CDH23: variants seen among roughly 807,000 people sequenced by gnomAD.
The protein encoded by CDH23 is cadherin-23.
Under a neutral mutation model 317.1 loss-of-function variants are expected in CDH23, and 189 were observed. That is an observed-to-expected ratio of 0.60 (90% CI 0.53 to 0.67). The LOEUF is 0.67. Among genes scored for constraint, CDH23 ranks in the 30% least tolerant of loss-of-function variants. The pLI, the probability that CDH23 is intolerant of heterozygous loss-of-function variation, is 0.00. For missense variants in CDH23, 4,401 were observed against 4,592.4 expected, an observed-to-expected ratio of 0.96 and a Z score of 1.20; for synonymous variants, 1,839 against 1,876.8, an observed-to-expected ratio of 0.98 and a Z score of 0.52.
chr10:71,639,463 C>G (rs1197815535), intron 11 of CDH23, among the ~76,000 whole-genome samples: 1 of 152,192 alleles, frequency 6.6e-6, no homozygotes, highest in Non-Finnish European at 1.5e-5. Context: ...CCTCCTTCTG[C>G]CACGTGTGGC....
chr10:71,402,324 C>T (rs1180487806), intron 1 of CDH23, among the ~76,000 whole-genome samples: 1 of 152,160 alleles, frequency 6.6e-6, no homozygotes, highest in African/African-American at 2.4e-5. Flanking sequence ...AAACCCCAGG[C>T]AAGTGTTGGT....
intron 6 of CDH23, chr10:71,512,453 GCT>G (rs1272775576): frequency 6.6e-6 from 1 of 152,282 alleles, no homozygotes; most frequent in Non-Finnish European, 1.5e-5. Flanking sequence ...CTTGGCTCCT[GCT>G]CTCTCTCATT....
rs1440382946 is a variant in CDH23 at position 71,397,469 on chromosome 10, G to A, written c.-6+151G>A. On this transcript the variant is annotated intron_variant, in intron 1 of 69. Coordinates refer to ENST00000224721, the MANE Select transcript of CDH23 (RefSeq NM_022124.6). This position sits in a 1 kb window ranked among gnomAD's most constrained non-coding sequence, Gnocchi z 4.8. ...CCATCGCCCGTGGCGGGCGCTCGCG[G>A]CATCCTTCGGTCCCAGGCCCCTGGC... Among the ~76,000 whole-genome samples, 1 of 151,568 alleles carries A rather than the reference G, an allele frequency of 6.6e-6. No homozygotes were observed. The highest frequency in any genetic ancestry group is 2.4e-5 in the African/African-American group (1 of 41,316).
intron 3 of CDH23, among the ~76,000 whole-genome samples, chr10:71,502,149 A>G (rs575889899): frequency 6.6e-6 from 1 of 152,338 alleles, no homozygotes; most frequent in East Asian, 1.9e-4. Context: ...GCTAGCCTGC[A>G]GACACCAAGG....
rs373672706 is a variant in CDH23 at position 71,427,195 on chromosome 10, GAGAAAGAAAGAA to G, written c.-5-12593_-5-12582del. On this transcript the variant is annotated intron_variant, in intron 1 of 69. Transcript: ENST00000224721. ...AGAAAGAAGGAAGGAAGGAAGGAAA[GAGAAAGAAAGAA>G]AGAAAGAAAGAAAGAAAGAAAGAAA... is the stretch of plus-strand genomic sequence containing the variant. Among the ~76,000 whole-genome samples, 16 of 98,932 alleles carry G rather than the reference GAGAAAGAAAGAA, an allele frequency of 1.6e-4. 2 individuals carry two copies. The highest frequency in any genetic ancestry group is 7.3e-4 in the South Asian group (2 of 2,748). 64.9% of individuals were successfully genotyped at this position (98,932 alleles called of 152,430 possible).
chr10:71,661,338 A>T (rs1863641717), intron 14 of CDH23, among the ~76,000 whole-genome samples: 1 of 152,120 alleles, frequency 6.6e-6, no homozygotes, highest in Non-Finnish European at 1.5e-5. Context: ...AGGACAAAAG[A>T]GCCCTTTAGG....
rs562192901 is a variant in CDH23, at chr10:71,665,250, G to A, written c.1450-9862G>A. Reference sequence around the variant, plus strand: ...CCACACCTATCCGCTGGCAAGAACCGTCAGCTCCAGATTCCAAACATACCT... The same window carrying A: ...CCACACCTATCCGCTGGCAAGAACCATCAGCTCCAGATTCCAAACATACCT... On this transcript the variant is annotated intron_variant, in intron 14 of 69. Coordinates refer to ENST00000224721, the MANE Select transcript of CDH23 (RefSeq NM_022124.6). Among the ~76,000 whole-genome samples the A allele has an allele frequency of 3.3e-5, 5 of 152,206 alleles. No homozygotes were observed. In the East Asian group the frequency reaches 5.8e-4, roughly 18 times the overall value.
intron 6 of CDH23, among the ~76,000 whole-genome samples, chr10:71,535,252 T>C (rs960336552): frequency 6.6e-6 from 1 of 152,222 alleles, no homozygotes; most frequent in Non-Finnish European, 1.5e-5. Context: ...GTGTAAATTA[T>C]AGCCTGTGTC....
rs2132705502 is a variant in CDH23 at position 71,690,453 on chromosome 10, T to C, written c.2060-15T>C. On this transcript the variant is annotated splice_polypyrimidine_tract_variant and intron_variant, in intron 19 of 69. Coordinates refer to ENST00000224721, the MANE Select transcript of CDH23 (RefSeq NM_022124.6). ...GTGAGCAGCACCCCCTGCCCCCACC[T>C]TTTTCCCCCTGAAGGAGCCACGGTG... 6.4e-7 allele frequency: 1 copy of C among 1,557,070 alleles called. No individual in the cohort carries two copies. The highest frequency in any genetic ancestry group is 2.4e-5 in the East Asian group (1 of 42,512).
At chr10:71,580,984 G>T (rs1858589828) in intron 9 of CDH23, among the ~76,000 whole-genome samples, 1 of 152,214 alleles carries the variant, frequency 6.6e-6, no homozygotes, top group African/African-American at 2.4e-5. Flanking sequence ...AGCAGGCTAG[G>T]ATTTGGCCTC....
At chr10:71,808,538 T>G (rs1220259129) in intron 60 of CDH23, among the ~76,000 whole-genome samples, 1 of 152,212 alleles carries the variant, frequency 6.6e-6, no homozygotes, top group Non-Finnish European at 1.5e-5. Context: ...CACACTTATA[T>G]CTATGGATGT....
At chr10:71,795,960 C>T (rs1472730432) in intron 48 of CDH23, 11 of 985,992 alleles carry the variant, frequency 1.1e-5, no homozygotes, top group Middle Eastern at 5.2e-4. Flanking sequence ...GGGCCAAGGC[C>T]GTGGCCCAGC....
intron 28 of CDH23, chr10:71,713,268 G>T: frequency 1.3e-6 from 1 of 779,452 alleles, no homozygotes; most frequent in South Asian, 1.3e-5. Flanking sequence ...TTTGCCCAGG[G>T]AGCAGGCGCA....
At position 71,815,714 on chromosome 10, in the gene CDH23, C is replaced by A. The variant is rs1365031306; in HGVS notation, c.*436C>A. 6.2e-6 allele frequency: 1 copy of A among 162,162 alleles called. No homozygotes were observed. Among genetic ancestry groups the A allele is most frequent in the Non-Finnish European group, 1.3e-5 (1 of 74,632 alleles). The allele number at this position is 162,162 out of a possible 1,614,324, so 10.0% of individuals were successfully genotyped here. A position where few individuals can be genotyped will look rare whatever the true frequency, so the allele number is the denominator to read the frequency against. On this transcript the variant is annotated 3_prime_UTR_variant, in exon 70 of 70. Coordinates refer to ENST00000224721, the MANE Select transcript of CDH23 (RefSeq NM_022124.6). ...CATCCCCTGCTGGCCGGACACCCGA[C>A]TCCAGTCCAAGTCTCGCTACATTTC...
chr10:71,664,400 C>T (rs911371665), intron 14 of CDH23, among the ~76,000 whole-genome samples: 2 of 152,240 alleles, frequency 1.3e-5, no homozygotes, highest in East Asian at 1.9e-4. Context: ...CCTCACACCT[C>T]GAGAGCACCC....
intron 25 of CDH23, 112 bp from the exon 26 acceptor site, chr10:71,706,785 A>C: frequency 6.8e-7 from 1 of 1,474,888 alleles, no homozygotes; most frequent in South Asian, 1.4e-5. Context: ...GGAGCCCGTG[A>C]CTCCCTTGGG....
At chr10:71,533,560 C>CACAA (rs1554835384) in intron 6 of CDH23, among the ~76,000 whole-genome samples, 13 of 141,572 alleles carry the variant, frequency 9.2e-5, no homozygotes, top group African/African-American at 2.5e-4. Flanking sequence ...CACACACACA[C>CACAA]ACACACACAC....
At position 71,805,832 on chromosome 10, in the gene CDH23, C is replaced by G. The variant is rs1375264465; in HGVS notation, c.7899C>G (p.Tyr2633Ter). 6.2e-7 allele frequency: 1 copy of G among 1,613,554 alleles called. No homozygotes were observed. The highest frequency in any genetic ancestry group is 8.5e-7 in the Non-Finnish European group (1 of 1,179,814). Residue 2633 changes from tyrosine to a stop codon, truncating the protein, a stop_gained, in exon 56 of 70, where the codon TAC (tyrosine) becomes TAG (stop). Coordinates refer to ENST00000224721, the MANE Select transcript of CDH23 (RefSeq NM_022124.6). LOFTEE classifies it high-confidence loss of function. ...REEIPLRSNV[Y>*]EVYATDKDEG... ...AGATCCCGCTGCGCTCCAACGTGTACGAGGTCTACGCCACGGACAAGGATG... is the reference window on the plus strand; with the variant it reads ...AGATCCCGCTGCGCTCCAACGTGTAGGAGGTCTACGCCACGGACAAGGATG...
chr10:71,592,319 CA>C (rs1337055201), intron 9 of CDH23, among the ~76,000 whole-genome samples: 1 of 152,090 alleles, frequency 6.6e-6, no homozygotes, highest in Non-Finnish European at 1.5e-5. Context: ...CATCTGTATT[CA>C]TTTCCTATAG....
Sources: allele counts gnomAD v4.1 joint callset (sites outside exome capture counted in the v4.1 genomes callset), GRCh38; gene constraint gnomAD v4.1.1; non-coding constraint Gnocchi (gnomAD v3.1); transcripts MANE v1.5; gene names NCBI Gene and HGNC (gene_info 2026-07-23, HGNC 2026-07-21).